Variants in BCL11A observed in about 807,000 individuals in gnomAD.
BCL11A encodes BCL11 transcription factor A.
Under a neutral mutation model 55.9 loss-of-function variants are expected in BCL11A, and 2 were observed. That is an observed-to-expected ratio of 0.04 (90% confidence interval 0.01 to 0.11). The LOEUF (loss-of-function observed/expected upper bound fraction) is 0.11, where lower values mean the gene tolerates loss of function less well. Ranked by LOEUF, BCL11A falls within the 10% of genes least tolerant of loss-of-function variation. The probability of loss-of-function intolerance (pLI) is 1.00; values close to 1 mark genes in which losing one functional copy is unlikely to be tolerated. For missense variants in BCL11A, 817 were observed against 1,137.1 expected (o/e 0.72, Z 4.05); for synonymous variants, 465 against 473.4 (o/e 0.98, Z 0.23).
In BCL11A at chr2:60,539,824, G is replaced by A. The variant is rs190479653; in HGVS notation, c.385+6147C>T. 3.0e-3 allele frequency among the ~76,000 whole-genome samples: 457 copies of A among 152,262 alleles called. 1 individual carries two copies. Among genetic ancestry groups the A allele is most frequent in the Non-Finnish European group, 5.7e-3 (387 of 68,014 alleles). On this transcript the variant is annotated intron_variant, in intron 2 of 3. Transcript: ENST00000642384. ...TTCGTGCTCAAATTAATTAGGTCAT[G>A]TTGTAAAAACTACGTGGCAAATTAC... is the stretch of plus-strand genomic sequence containing the variant.
chr2:60,480,092 C>A (rs1376226146), intron 2 of BCL11A, among the ~76,000 whole-genome samples: 1 of 152,188 alleles, frequency 6.6e-6, no homozygotes, highest in Non-Finnish European at 1.5e-5. Flanking sequence ...CGGGAGGAGG[C>A]CCCACTGAGA....
chr2:60,545,863 C>T lies in BCL11A; in HGVS notation c.385+108G>A, dbSNP rs1034203695. 9 of 869,300 alleles carry T rather than the reference C, an allele frequency of 1.0e-5. No homozygotes were observed. The African/African-American group carries it at 1.3e-4, about 13-fold the overall frequency. 53.8% of individuals were successfully genotyped at this position (869,300 alleles called of 1,614,324 possible). A position where few individuals can be genotyped will look rare whatever the true frequency, so the allele number is the denominator to read the frequency against. On this transcript the variant is annotated intron_variant, in intron 2 of 3. Coordinates refer to ENST00000642384, the MANE Select transcript of BCL11A (RefSeq NM_022893.4). ...ATTACAGGGCTGTCATGGACAGTCA[C>T]ATAGAGTAATAGAGAAAGCACTTCA... is the stretch of plus-strand genomic sequence containing the variant.
At position 60,539,740 on chromosome 2, in the gene BCL11A, G is replaced by T. The variant is rs370043702; in HGVS notation, c.385+6231C>A. On this transcript the variant is annotated intron_variant, in intron 2 of 3. Coordinates refer to ENST00000642384, the MANE Select transcript of BCL11A (RefSeq NM_022893.4). ...GAGCTAAAGAATTCTTATTTGTCAGGTTACATTTCCTGGAAATTAAGTTTG... is the reference window on the plus strand; with the variant it reads ...GAGCTAAAGAATTCTTATTTGTCAGTTTACATTTCCTGGAAATTAAGTTTG... Among the ~76,000 whole-genome samples, 101 of 152,228 alleles carry T rather than the reference G, an allele frequency of 6.6e-4. No individual in the cohort carries two copies. The South Asian group carries it at 0.019, about 28-fold the overall frequency.
At chr2:60,452,743 T>G, downstream of BCL11A, 2 of 1,174,710 alleles carry the variant, frequency 1.7e-6, no homozygotes, top group Non-Finnish European at 2.5e-6. Flanking sequence ...TTCTGTTCTC[T>G]AACTAGCTTT....
At chr2:60,506,075 T>C (rs1217570763) in intron 2 of BCL11A, among the ~76,000 whole-genome samples, 3 of 152,288 alleles carry the variant, frequency 2.0e-5, no homozygotes, top group Non-Finnish European at 2.9e-5. Context: ...GAATCACTCA[T>C]AGGCAAGGGA....
At chr2:60,507,251 G>A (rs1321879385) in intron 2 of BCL11A, among the ~76,000 whole-genome samples, 10 of 840 alleles carry the variant, frequency 0.012, no homozygotes, top group African/African-American at 0.034. Flanking sequence ...AGGGAGGGGA[G>A]GGGAGGGGAG....
intron 2 of BCL11A, among the ~76,000 whole-genome samples, chr2:60,487,671 C>T (rs1205499397): frequency 2.0e-5 from 3 of 152,154 alleles, no homozygotes; most frequent in South Asian, 2.1e-4. Context: ...CAGCCTTTAA[C>T]GAGGGTGTTC....
intron 2 of BCL11A, among the ~76,000 whole-genome samples, chr2:60,481,674 C>A (rs1232183107): frequency 6.6e-6 from 1 of 152,174 alleles, no homozygotes; most frequent in African/African-American, 2.4e-5. Flanking sequence ...CCACCCCCTA[C>A]ATCTTTCTTT....
At chr2:60,545,351 A>G (rs1670099187) in intron 2 of BCL11A, 1 of 153,004 alleles carries the variant, frequency 6.5e-6, no homozygotes, top group Non-Finnish European at 1.5e-5. Context: ...GGCATCTTAA[A>G]GTCAAGGTCA....
At chr2:60,452,190 G>A (rs189012702) in exon 5 of BCL11A, 7 of 234,570 alleles carry the variant, frequency 3.0e-5, no homozygotes, top group African/African-American at 6.6e-5. Context: ...TCAATGTTAA[G>A]CACACTTTTT....
At chr2:60,475,119 A>G (rs1250938051) in intron 2 of BCL11A, among the ~76,000 whole-genome samples, 1 of 152,260 alleles carries the variant, frequency 6.6e-6, no homozygotes, top group Non-Finnish European at 1.5e-5. Context: ...AGGTGGGCAC[A>G]GAGTAAATGG....
At position 60,458,635 on chromosome 2, in the gene BCL11A, C is replaced by T; in HGVS notation, c.*1769G>A. 2 of 1,031,424 alleles carry T rather than the reference C, an allele frequency of 1.9e-6. No individual in the cohort carries two copies. Among genetic ancestry groups the T allele is most frequent in the Non-Finnish European group, 2.3e-6 (2 of 857,532 alleles). The allele number at this position is 1,031,424 out of a possible 1,614,324, so 63.9% of individuals were successfully genotyped here. Reference sequence around the variant, plus strand: ...TTTTTAGTTTTTAAAAAATGCTCCTCAATGAGATTGTGTTCAATTTTTTTT... The same window carrying T: ...TTTTTAGTTTTTAAAAAATGCTCCTTAATGAGATTGTGTTCAATTTTTTTT... On this transcript the variant is annotated 3_prime_UTR_variant, in exon 4 of 4. Transcript: ENST00000642384.
chr2:60,550,890 C>G (rs1025569957), intron 1 of BCL11A: 4 of 398,320 alleles, frequency 1.0e-5, no homozygotes, highest in African/African-American at 4.1e-5. Context: ...TAACTTCACA[C>G]CGCCGCGCGC....
chr2:60,467,630 GTGGTGGTGGTGA>G (rs1326969845), intron 3 of BCL11A, among the ~76,000 whole-genome samples: 1 of 74,268 alleles, frequency 1.3e-5, no homozygotes, highest in African/African-American at 4.9e-5. Context: ...GGTGGTAATG[GTGGTGGTGGTGA>G]TGGTGGTGAT....
Position 60,457,777 on chromosome 2 carries a change from T to C in BCL11A, c.*2627A>G, listed in dbSNP as rs749151797. On this transcript the variant is annotated 3_prime_UTR_variant, in exon 4 of 4. Transcript: ENST00000642384. ...GGAAAGGGACAAAAAGCACACTACA[T>C]AACAAACCAACGTTATTAGCTTGCA... is the stretch of plus-strand genomic sequence containing the variant. 1.9e-6 allele frequency: 2 copies of C among 1,034,440 alleles called. No homozygotes were observed. Among genetic ancestry groups the C allele is most frequent in the East Asian group, 6.0e-5 (1 of 16,750 alleles). The allele number at this position is 1,034,440 out of a possible 1,614,324, so 64.1% of individuals were successfully genotyped here.
chr2:60,476,897 T>C (rs1042237780), intron 2 of BCL11A, among the ~76,000 whole-genome samples: 2 of 152,220 alleles, frequency 1.3e-5, no homozygotes, highest in Non-Finnish European at 2.9e-5. Context: ...ATTAATGAGA[T>C]TTTTGTGTGT....
intron 2 of BCL11A, among the ~76,000 whole-genome samples, chr2:60,523,701 A>C (rs1223491663): frequency 6.6e-6 from 1 of 151,914 alleles, no homozygotes; most frequent in African/African-American, 2.4e-5. Context: ...GGTGTACCAC[A>C]CAAGACTCCA....
At chr2:60,465,816 G>A (rs70953655) in intron 3 of BCL11A, among the ~76,000 whole-genome samples, 24 of 152,296 alleles carry the variant, frequency 1.6e-4, no homozygotes, top group South Asian at 6.2e-4. Flanking sequence ...ATTACTACCA[G>A]GGGTGATTAA....
At chr2:60,530,214 C>T (rs1265721796) in intron 2 of BCL11A, among the ~76,000 whole-genome samples, 1 of 152,048 alleles carries the variant, frequency 6.6e-6, no homozygotes, top group Non-Finnish European at 1.5e-5. Context: ...AACAAGAGCA[C>T]CTTTTCCCCA....
Sources: gnomAD v4.1 joint callset for allele counts (sites outside exome capture counted in the v4.1 genomes callset) on GRCh38, gnomAD v4.1.1 for gene constraint, MANE v1.5 for transcripts, NCBI Gene and HGNC (gene_info 2026-07-23, HGNC 2026-07-21) for gene names.